The following NYAP2 variants were observed in gnomAD, a reference collection of about 807,000 sequenced individuals.
The protein encoded by NYAP2 is neuronal tyrosine-phosphorylated phosphoinositide-3-kinase adaptor 2, also known as neuronal tyrosine-phosphorylated phosphoinositide-3-kinase adapter 2.
A neutral mutation model predicts 50.4 loss-of-function variants in NYAP2; 23 were observed. That is an observed-to-expected ratio of 0.46 (90% confidence interval 0.33 to 0.65). The LOEUF is 0.65. NYAP2 is among the 30% of genes least tolerant of loss of function. NYAP2 has a pLI of 0.02. For missense variants in NYAP2, 885 were observed against 861.0 expected (o/e 1.03, Z -0.35); for synonymous variants, 394 against 365.2 (o/e 1.08, Z -0.90).
intron 4 of NYAP2, among the ~76,000 whole-genome samples, chr2:225,538,081 T>C (rs911820060): frequency 1.3e-5 from 2 of 152,174 alleles, no homozygotes; most frequent in African/African-American, 4.8e-5. Context: ...CCCCTGTGGC[T>C]TTGCATGGTA....
intron 5 of NYAP2, among the ~76,000 whole-genome samples, chr2:225,592,282 A>C (rs1028751367): frequency 4.6e-5 from 7 of 152,302 alleles, no homozygotes; most frequent in Admixed American, 1.3e-4. Flanking sequence ...ACTATGCAGT[A>C]GTTTGGCCCA....
intron 5 of NYAP2, among the ~76,000 whole-genome samples, chr2:225,584,061 A>AC (rs1692349155): frequency 6.6e-6 from 1 of 152,150 alleles, no homozygotes; most frequent in Admixed American, 6.5e-5. Flanking sequence ...AAACAAACAA[A>AC]AAAAAAACCT....
chr2:225,591,963 A>G (rs1424863308), intron 5 of NYAP2, among the ~76,000 whole-genome samples: 1 of 152,126 alleles, frequency 6.6e-6, no homozygotes, highest in Non-Finnish European at 1.5e-5. Flanking sequence ...CAGTCACTGT[A>G]AGGAACTCTG....
At chr2:225,576,992 G>T (rs1039251516) in intron 4 of NYAP2, among the ~76,000 whole-genome samples, 1 of 150,304 alleles carries the variant, frequency 6.7e-6, no homozygotes, top group African/African-American at 2.5e-5. Context: ...AACACCTACA[G>T]ATACTAAAGC....
At chr2:225,696,592 A>ATT in the NYAP2 span, among the ~76,000 whole-genome samples, 12 of 152,010 alleles carry the variant, frequency 7.9e-5, 1 homozygote, top group African/African-American at 2.9e-4. Flanking sequence ...AATTGTGAGA[A>ATT]TTTGATTTAG....
At chr2:225,398,481 C>A (rs1296048831), upstream of NYAP2, among the ~76,000 whole-genome samples, 1 of 151,848 alleles carries the variant, frequency 6.6e-6, no homozygotes, top group Non-Finnish European at 1.5e-5. Context: ...TGCTGAAAGA[C>A]AACATCTATG....
At chr2:225,400,979 G>A (rs1694850210) in exon 2 of NYAP2, 1 of 131,458 alleles carries the variant, frequency 7.6e-6, no homozygotes, top group Non-Finnish European at 1.6e-5. Context: ...GTGAGAGAGG[G>A]CTCTGACAGA....
At chr2:225,662,954 A>G in the NYAP2 span, among the ~76,000 whole-genome samples, 1 of 152,192 alleles carries the variant, frequency 6.6e-6, no homozygotes, top group Non-Finnish European at 1.5e-5. Flanking sequence ...GGAATTTCCA[A>G]GTATTTTGAT....
intron 3 of NYAP2, among the ~76,000 whole-genome samples, chr2:225,464,820 G>A (rs1272222854): frequency 6.6e-6 from 1 of 152,176 alleles, no homozygotes; most frequent in African/African-American, 2.4e-5. Flanking sequence ...GGGAAGAGAC[G>A]ATCATTGACT....
Position 225,528,089 on chromosome 2 carries a change from A to G in NYAP2, c.523+14417A>G, listed in dbSNP as rs556761648. Among the ~76,000 whole-genome samples, 233 of 152,196 alleles carry G rather than the reference A, an allele frequency of 1.5e-3. 6 individuals carry two copies. The highest frequency in any genetic ancestry group is 1.8e-3 in the Non-Finnish European group (123 of 68,042). ...ATTCATGGTCCTGCTTCTGCACTCA[A>G]TGAGAGAGAATTATACAGGGTATAA... is the stretch of plus-strand genomic sequence containing the variant. On this transcript the variant is annotated intron_variant, in intron 4 of 6. Transcript: ENST00000636099.
chr2:225,646,408 A>G (rs944421304), intron 6 of NYAP2, among the ~76,000 whole-genome samples: 1 of 152,178 alleles, frequency 6.6e-6, no homozygotes, highest in South Asian at 2.1e-4. Context: ...AAAATTAGCC[A>G]GGCGTGGTGA....
rs147023417 is a variant in NYAP2, at chr2:225,570,356, C to T, written c.524-11585C>T. On this transcript the variant is annotated intron_variant, in intron 4 of 6. Transcript: ENST00000636099. The stretch of plus-strand genomic sequence containing the variant: ...ACTAGAATCCCACTTTGCTCTTTTT[C>T]TAATAAGAAACTATATTTGTCCATT... Among the ~76,000 whole-genome samples the T allele has an allele frequency of 2.6e-3, 395 of 152,252 alleles. 2 individuals carry two copies. Among genetic ancestry groups the T allele is most frequent in the Non-Finnish European group, 4.8e-3 (328 of 68,014 alleles).
chr2:225,606,278 G>A (rs373688625), intron 5 of NYAP2, among the ~76,000 whole-genome samples: 1 of 152,114 alleles, frequency 6.6e-6, no homozygotes, highest in Admixed American at 6.6e-5. Context: ...AGATCAAAGT[G>A]TCCAGAGGTG....
chr2:225,647,487 A>G (rs377619473), intron 6 of NYAP2, among the ~76,000 whole-genome samples: 7 of 152,296 alleles, frequency 4.6e-5, no homozygotes, highest in East Asian at 1.9e-4. Flanking sequence ...GAATTTTCAA[A>G]TGCCGTGCCT....
chr2:225,497,504 T>G (rs1375584463), intron 3 of NYAP2, among the ~76,000 whole-genome samples: 1 of 152,218 alleles, frequency 6.6e-6, no homozygotes, highest in Non-Finnish European at 1.5e-5. Context: ...CTCAGCTTTA[T>G]CAGTTTGCCA....
intron 4 of NYAP2, among the ~76,000 whole-genome samples, chr2:225,536,874 G>C (rs1014859108): frequency 2.6e-5 from 4 of 151,642 alleles, no homozygotes; most frequent in Admixed American, 2.0e-4. Flanking sequence ...CGCCTCCCGG[G>C]TTCACGCCAT....
chr2:225,514,839 C>T (rs1198255774), intron 4 of NYAP2, among the ~76,000 whole-genome samples: 1 of 152,152 alleles, frequency 6.6e-6, no homozygotes, highest in Non-Finnish European at 1.5e-5. Context: ...CCACAGCAAG[C>T]TTCTCTGAGC....
intron 5 of NYAP2, among the ~76,000 whole-genome samples, chr2:225,621,146 G>C (rs1428704283): frequency 1.3e-5 from 2 of 151,872 alleles, no homozygotes; most frequent in South Asian, 4.2e-4. Context: ...TAGAAGAGAA[G>C]GTGGGCTGAA....
chr2:225,686,891 C>T, the NYAP2 span, among the ~76,000 whole-genome samples: 15 of 152,092 alleles, frequency 9.9e-5, no homozygotes, highest in Non-Finnish European at 1.5e-4. Flanking sequence ...TTCATTTATC[C>T]ATCAAAGTTT....
Sources: gnomAD v4.1 joint callset for allele counts (sites outside exome capture counted in the v4.1 genomes callset) on GRCh38, gnomAD v4.1.1 for gene constraint, MANE v1.5 for transcripts, NCBI Gene and HGNC (gene_info 2026-07-23, HGNC 2026-07-21) for gene names.